Variants in PRKRA observed in about 807,000 individuals in gnomAD.
PRKRA encodes interferon-inducible double-stranded RNA-dependent protein kinase activator A.
PRKRA carries 22 observed loss-of-function variants against 32.4 expected under a neutral mutation model. That is an observed-to-expected ratio of 0.68 (90% CI 0.49 to 0.97). The LOEUF (loss-of-function observed/expected upper bound fraction) is 0.97, where lower values mean the gene tolerates loss of function less well. Among genes scored for constraint, PRKRA ranks in the 50% least tolerant of loss-of-function variants. The pLI, the probability that PRKRA is intolerant of heterozygous loss-of-function variation, is 0.00. For missense variants in PRKRA, 319 were observed against 375.6 expected (o/e 0.85, Z 1.25); for synonymous variants, 139 against 129.8 (o/e 1.07, Z -0.48).
rs1416945835 is a variant in PRKRA, at chr2:178,436,237, C to G, written c.692G>C (p.Arg231Thr). 1.8e-5 allele frequency: 29 copies of G among 1,613,546 alleles called. No homozygotes were observed. The highest frequency in any genetic ancestry group is 2.4e-5 in the Non-Finnish European group (28 of 1,179,502). The change falls in exon 7 of 8, where the codon AGA (arginine) becomes ACA (threonine). Residue 231 changes from arginine to threonine, a missense_variant. Coordinates refer to ENST00000325748, the MANE Select transcript of PRKRA (RefSeq NM_003690.5). ...SPGEKINLLK[R>T]SLLSIPNTDY... ...TGTATTTGGAATACTAAGGAGGCTT[C>G]TTTTCAGTAAGTTGATCTTTTCACC... is the stretch of plus-strand genomic sequence containing the variant.
intron 7 of PRKRA, among the ~76,000 whole-genome samples, chr2:178,434,849 G>A (rs1339307328): frequency 4.0e-5 from 6 of 151,876 alleles, no homozygotes; most frequent in Non-Finnish European, 8.8e-5. Context: ...GGCCAGGCAC[G>A]GTGGCTCACA....
chr2:178,448,571 G>A (rs1697406249), intron 2 of PRKRA, among the ~76,000 whole-genome samples: 2 of 151,994 alleles, frequency 1.3e-5, no homozygotes, highest in South Asian at 2.1e-4. Context: ...TAGCCTGGGT[G>A]ACAGAGTGAG....
intron 7 of PRKRA, among the ~76,000 whole-genome samples, chr2:178,434,400 C>G (rs547481607): frequency 6.6e-6 from 1 of 151,412 alleles, no homozygotes; most frequent in Non-Finnish European, 1.5e-5. Flanking sequence ...TGTGAGCCAC[C>G]GCACCTGGCC....
rs1213379468 is a variant in PRKRA, at chr2:178,447,503, A to AGG, written c.317+1_317+2insCC. 0.05 allele frequency: 77,527 copies of AGG among 1,558,170 alleles called. 6 individuals carry two copies. Among genetic ancestry groups the AGG allele is most frequent in the East Asian group, 0.16 (6,608 of 41,836 alleles). On this transcript the variant is annotated splice_donor_variant, in intron 3 of 7. Transcript: ENST00000325748. LOFTEE classifies it high-confidence loss of function. ...TGCTGAATACAAAGAAATTTAGCTC[A>AGG]CCAAATACTTGCATTGGCTTTCAAA...
chr2:178,445,071 T>C (rs1384689747), intron 3 of PRKRA, among the ~76,000 whole-genome samples: 6 of 152,372 alleles, frequency 3.9e-5, no homozygotes, highest in Admixed American at 2.0e-4. Flanking sequence ...CACAGAACTA[T>C]GAAGAGAGAT....
At chr2:178,442,595 T>G (rs529644005) in intron 5 of PRKRA, among the ~76,000 whole-genome samples, 32 of 152,350 alleles carry the variant, frequency 2.1e-4, no homozygotes, top group African/African-American at 7.7e-4. Flanking sequence ...CTGAGGTTCC[T>G]GCTTTTGGCC....
intron 6 of PRKRA, 123 bp from the exon 7 acceptor site, chr2:178,436,442 G>T: frequency 1.2e-6 from 1 of 800,280 alleles, no homozygotes; most frequent in Non-Finnish European, 2.1e-6. Flanking sequence ...TGTTTAAATG[G>T]ATAACATTTG....
At chr2:178,432,955 A>T (rs911308063) in intron 7 of PRKRA, among the ~76,000 whole-genome samples, 11 of 152,206 alleles carry the variant, frequency 7.2e-5, no homozygotes. Context: ...CACTCTTACT[A>T]AAGATGGCTG....
At chr2:178,446,992 CAAA>C (rs780283451) in intron 3 of PRKRA, among the ~76,000 whole-genome samples, 870 of 45,906 alleles carry the variant, frequency 0.019, 1 homozygote, top group African/African-American at 0.068. Flanking sequence ...GACTCCGTCT[CAAA>C]AAAAAAAAAA....
intron 1 of PRKRA, chr2:178,450,733 C>A: frequency 8.1e-6 from 11 of 1,363,942 alleles, no homozygotes; most frequent in Non-Finnish European, 1.0e-5. Context: ...GCGCGCCGAC[C>A]GAGCGTCACC....
chr2:178,433,062 A>T lies in PRKRA; in HGVS notation c.785-808T>A, dbSNP rs1172995469. ...TTATTTTTGATACTCTATTTAGTGG[A>T]AAATATCCAGATACAATGGGATTAT... On this transcript the variant is annotated intron_variant, in intron 7 of 7. Transcript: ENST00000325748. Among the ~76,000 whole-genome samples, 3 of 152,238 alleles carry T rather than the reference A, an allele frequency of 2.0e-5. 1 individual carries two copies. Among genetic ancestry groups the T allele is most frequent in the East Asian group, 3.8e-4 (2 of 5,200 alleles).
chr2:178,440,999 G>A (rs1462455803), intron 6 of PRKRA, among the ~76,000 whole-genome samples: 3 of 152,138 alleles, frequency 2.0e-5, no homozygotes, highest in African/African-American at 7.2e-5. Context: ...GACTGCATAC[G>A]ATGTTTCACT....
chr2:178,433,812 T>C (rs941712874), intron 7 of PRKRA: 4 of 152,126 alleles, frequency 2.6e-5, no homozygotes, highest in African/African-American at 4.8e-5. Context: ...CTTTGGAGAA[T>C]ATCTAGGTTC....
At chr2:178,441,935 G>C (rs1384426235) in intron 5 of PRKRA, among the ~76,000 whole-genome samples, 3 of 148,652 alleles carry the variant, frequency 2.0e-5, no homozygotes, top group Non-Finnish European at 4.4e-5. Context: ...CACCAGGCTG[G>C]AGTGCAGTGG....
chr2:178,435,221 A>G (rs77261686), intron 7 of PRKRA, among the ~76,000 whole-genome samples: 28 of 143,468 alleles, frequency 2.0e-4, no homozygotes, highest in South Asian at 6.7e-4. Context: ...CATCTTGGGG[A>G]AAAAAAAAAA....
chr2:178,441,636 T>C lies in PRKRA; in HGVS notation c.583A>G (p.Ile195Val). 2 of 1,607,702 alleles carry C rather than the reference T, an allele frequency of 1.2e-6. No homozygotes were observed. Among genetic ancestry groups the C allele is most frequent in the Non-Finnish European group, 1.7e-6 (2 of 1,174,362 alleles). ...AAAGAAATGTGGTTCTCTGGAGAAA[T>C]ATTACTAAATTTGGCAAGAAATTTC... ...AEKFLAKFSN[I>V]SPENHISLTN... The change falls in exon 6 of 8, where the codon ATT becomes GTT. Residue 195 changes from isoleucine (I) to valine (V), a missense_variant. Ile to Val is a conservative substitution (Grantham distance 29). Coordinates refer to ENST00000325748, the MANE Select transcript of PRKRA (RefSeq NM_003690.5).
intron 6 of PRKRA, among the ~76,000 whole-genome samples, chr2:178,438,271 T>C (rs976909567): frequency 6.6e-6 from 1 of 152,232 alleles, no homozygotes; most frequent in African/African-American, 2.4e-5. Flanking sequence ...CTTTGATCCA[T>C]CTGAAATTCA....
Position 178,431,926 on chromosome 2 carries a change from A to G in PRKRA, c.*171T>C. 1.2e-6 allele frequency: 1 copy of G among 828,790 alleles called. No homozygotes were observed. The highest frequency in any genetic ancestry group is 1.9e-6 in the Non-Finnish European group (1 of 530,842). 51.3% of individuals were successfully genotyped at this position (828,790 alleles called of 1,614,324 possible). A position where few individuals can be genotyped will look rare whatever the true frequency, so the allele number is the denominator to read the frequency against. On this transcript the variant is annotated 3_prime_UTR_variant, in exon 8 of 8. Transcript: ENST00000325748. ...ATACTGATACAAAGTTGAAGCCATT[A>G]AAAAGAGCTTAATAACAACTATGAG...
chr2:178,449,741 G>C (rs1697474671), intron 2 of PRKRA, among the ~76,000 whole-genome samples: 1 of 152,178 alleles, frequency 6.6e-6, no homozygotes, highest in South Asian at 2.1e-4. Flanking sequence ...TAATATATGA[G>C]GACCTTCTCC....
Sources: gnomAD v4.1 joint callset for allele counts (sites outside exome capture counted in the v4.1 genomes callset) on GRCh38, gnomAD v4.1.1 for gene constraint, MANE v1.5 for transcripts, NCBI Gene and HGNC (gene_info 2026-07-23, HGNC 2026-07-21) for gene names.